The following USP34 variants were observed in gnomAD, a reference collection of about 807,000 sequenced individuals.
The protein encoded by USP34 is ubiquitin carboxyl-terminal hydrolase 34.
A neutral mutation model predicts 460.3 loss-of-function variants in USP34; 70 were observed. That is an observed-to-expected ratio of 0.15 (90% CI 0.13 to 0.19). The LOEUF is 0.19. USP34 is among the 10% of genes least tolerant of loss of function. The pLI, the probability that USP34 is intolerant of heterozygous loss-of-function variation, is 1.00. For missense variants in USP34, 3,985 were observed against 4,236.2 expected (o/e 0.94, Z 1.65); for synonymous variants, 1,647 against 1,405.3 (o/e 1.17, Z -3.85).
chr2:61,201,853 C>T lies in USP34; in HGVS notation c.9508+1287G>A, dbSNP rs1004999460. ...TTTAAAAAGTGTTTTTATAATTACC[C>T]TTCTTTATATGGGAGCAAGGCTGTA... On this transcript the variant is annotated intron_variant, in intron 75 of 79. Transcript: ENST00000398571. 2.0e-5 allele frequency among the ~76,000 whole-genome samples: 3 copies of T among 152,090 alleles called. No individual in the cohort carries two copies. In the South Asian group the frequency reaches 6.2e-4, roughly 32 times the overall value.
chr2:61,222,858 G>A, intron 64 of USP34, 195 bp from the exon 65 acceptor site: 1 of 681,586 alleles, frequency 1.5e-6, no homozygotes. Flanking sequence ...ACTACACCCG[G>A]CTAGATTTTT....
chr2:61,405,593 G>A (rs966395693), intron 3 of USP34, 115 bp downstream of exon 3: 2 of 1,007,840 alleles, frequency 2.0e-6, no homozygotes, highest in South Asian at 4.1e-5. Flanking sequence ...AATAATTCTG[G>A]TGACAATAAT....
chr2:61,195,535 G>A (rs951937365), intron 75 of USP34, among the ~76,000 whole-genome samples: 3 of 151,848 alleles, frequency 2.0e-5, no homozygotes, highest in Admixed American at 2.0e-4. Context: ...AGCCAGGCGT[G>A]GTGGCACGCA....
intron 21 of USP34, among the ~76,000 whole-genome samples, chr2:61,324,695 G>A (rs1184572621): frequency 6.6e-6 from 1 of 152,026 alleles, no homozygotes; most frequent in Admixed American, 6.6e-5. Context: ...GCTTGAGCCG[G>A]GGAGGTCAAC....
chr2:61,216,545 A>C (rs923394773), intron 67 of USP34, among the ~76,000 whole-genome samples: 1 of 151,988 alleles, frequency 6.6e-6, no homozygotes, highest in Non-Finnish European at 1.5e-5. Context: ...GCTTGCAGTA[A>C]GCCGAGATTG....
In USP34 at chr2:61,228,879, A is replaced by T; in HGVS notation, c.7316T>A (p.Leu2439His). 6.2e-7 allele frequency: 1 copy of T among 1,609,080 alleles called. No homozygotes were observed. Among genetic ancestry groups the T allele is most frequent in the Non-Finnish European group, 8.5e-7 (1 of 1,177,654 alleles). ...GTAAAGGAAGGCAAAATACTCTGTA[A>T]GATGTTTACTGTGAGGTTTTACACC... ...EHGVKPHSKH[L>H]TEYFAFLYEF... The change falls in exon 60 of 80, where the codon CTT becomes CAT. Residue 2439 changes from leucine to histidine, a missense_variant. This residue lies in a region of USP34 where 604 missense variants were observed against 684.8 expected (regional missense o/e 0.88). Transcript: ENST00000398571.
intron 23 of USP34, among the ~76,000 whole-genome samples, chr2:61,315,314 C>T (rs76426372): frequency 0.1 from 15,303 of 152,066 alleles, 907 homozygotes; most frequent in Non-Finnish European, 0.13. Flanking sequence ...ACTGAGAAAA[C>T]CACTGCTTTC....
intron 53 of USP34, among the ~76,000 whole-genome samples, chr2:61,238,718 GAACAATTATAGA>G (rs1430483333): frequency 6.6e-6 from 1 of 152,034 alleles, no homozygotes; most frequent in Non-Finnish European, 1.5e-5. Flanking sequence ...TAGTAAGCTG[GAACAATTATAGA>G]AAAAATTGTT....
intron 1 of USP34, among the ~76,000 whole-genome samples, chr2:61,441,752 G>A (rs1694969538): frequency 7.0e-6 from 1 of 142,248 alleles, no homozygotes; most frequent in South Asian, 2.2e-4. Flanking sequence ...AGTGAGCTGT[G>A]ATGGTACCAC....
rs754184715 is a variant in USP34 at position 61,228,632 on chromosome 2, G to C, written c.7443+13C>G. On this transcript the variant is annotated intron_variant, in intron 61 of 79. Coordinates refer to ENST00000398571, the MANE Select transcript of USP34 (RefSeq NM_014709.4). ...AGCCTCTAATACCTAATGTACGATAGAACTGTACTTACATTTTCAGGTCCT... is the reference window on the plus strand; with the variant it reads ...AGCCTCTAATACCTAATGTACGATACAACTGTACTTACATTTTCAGGTCCT... The C allele has an allele frequency of 2.5e-6, 4 of 1,606,866 alleles. No individual in the cohort carries two copies. The highest frequency in any genetic ancestry group is 3.4e-5 in the Admixed American group (2 of 59,482).
At chr2:61,438,628 A>C (rs897209703) in intron 1 of USP34, among the ~76,000 whole-genome samples, 1 of 152,148 alleles carries the variant, frequency 6.6e-6, no homozygotes, top group Admixed American at 6.6e-5. Context: ...AAAAACAAAA[A>C]AAAAACACTC....
At chr2:61,221,398 A>G in intron 66 of USP34, 104 bp downstream of exon 66, 1 of 1,052,750 alleles carries the variant, frequency 9.5e-7, no homozygotes, top group East Asian at 2.6e-5. Flanking sequence ...TACTAAAACC[A>G]TCTTGGGGTA....
intron 44 of USP34, among the ~76,000 whole-genome samples, chr2:61,257,653 C>T (rs1403928033): frequency 6.6e-6 from 1 of 152,206 alleles, no homozygotes; most frequent in African/African-American, 2.4e-5. Flanking sequence ...AACCCCAGCA[C>T]TTTGGGAGGC....
chr2:61,231,676 C>T (rs115450417), intron 58 of USP34, among the ~76,000 whole-genome samples: 418 of 151,776 alleles, frequency 2.8e-3, no homozygotes, highest in Non-Finnish European at 4.4e-3. Flanking sequence ...GAAGTACCAC[C>T]GCACTACAGC....
chr2:61,200,659 C>G (rs1686949409), intron 75 of USP34: 1 of 152,190 alleles, frequency 6.6e-6, no homozygotes, highest in Admixed American at 6.6e-5. Context: ...GACATGTAAC[C>G]TCAACGTTCA....
At chr2:61,377,153 G>C (rs985094050) in intron 8 of USP34, among the ~76,000 whole-genome samples, 3 of 152,100 alleles carry the variant, frequency 2.0e-5, no homozygotes, top group Non-Finnish European at 4.4e-5. Context: ...GAACAACTGG[G>C]AGAATAAGAA....
At chr2:61,281,316 T>C (rs543947151) in intron 37 of USP34, 74 bp from the exon 38 acceptor site, 6 of 1,495,266 alleles carry the variant, frequency 4.0e-6, no homozygotes. Context: ...GAAATAATTT[T>C]AGGTGATTTT....
At chr2:61,251,092 T>G (rs1688567569) in intron 48 of USP34, among the ~76,000 whole-genome samples, 1 of 152,102 alleles carries the variant, frequency 6.6e-6, no homozygotes. Flanking sequence ...GAGCCAAGAT[T>G]GTGCCACTGC....
intron 67 of USP34, among the ~76,000 whole-genome samples, chr2:61,216,631 C>A (rs866152741): frequency 1.3e-5 from 2 of 148,472 alleles, no homozygotes; most frequent in African/African-American, 5.0e-5. Context: ...AACAAAAAAA[C>A]CATTTGGCTG....
Sources: allele counts gnomAD v4.1 joint callset (sites outside exome capture counted in the v4.1 genomes callset), GRCh38; gene constraint gnomAD v4.1.1; regional missense constraint gnomAD v4.1.1; transcripts MANE v1.5; gene names NCBI Gene and HGNC (gene_info 2026-07-23, HGNC 2026-07-21).